The following PI4KA variants were observed in gnomAD, a reference collection of about 807,000 sequenced individuals.
PI4KA encodes PI4-kinase alpha.
Under a neutral mutation model 271.4 loss-of-function variants are expected in PI4KA, and 122 were observed. The ratio of observed to expected loss-of-function variants is 0.45; its 90% CI spans 0.39 to 0.52. The LOEUF (loss-of-function observed/expected upper bound fraction) is 0.52. Among genes scored for constraint, PI4KA ranks in the 20% least tolerant of loss-of-function variants. The pLI is 0.00. For synonymous variants in PI4KA, 1,041 were observed against 1,078.8 expected, an observed-to-expected ratio of 0.96 and a Z score of 0.69; for missense variants, 1,969 against 2,769.1, an observed-to-expected ratio of 0.71 and a Z score of 6.48.
intron 1 of PI4KA, among the ~76,000 whole-genome samples, chr22:20,845,889 CTCTTTGG>C (rs1926176495): frequency 6.6e-6 from 1 of 151,152 alleles, no homozygotes; most frequent in Non-Finnish European, 1.5e-5. Flanking sequence ...AAAAAAGATG[CTCTTTGG>C]TCATCTGTAG....
In PI4KA at chr22:20,819,946, T is replaced by TAA. The variant is rs776522028; in HGVS notation, c.530-47_530-46insTT. 1.0e-5 allele frequency: 15 copies of TAA among 1,490,264 alleles called. No homozygotes were observed. In the Admixed American group the frequency reaches 2.6e-4, roughly 26 times the overall value. 92.3% of individuals were successfully genotyped at this position (1,490,264 alleles called of 1,614,324 possible). Reference sequence around the variant, plus strand: ...GTTACAATATAAGAAAGTATCCTGATAGAGTCATATAGTAAGTACTAACTT... The same window carrying TAA: ...GTTACAATATAAGAAAGTATCCTGATAAAGAGTCATATAGTAAGTACTAACTT... On this transcript the variant is annotated intron_variant, in intron 5 of 54. Coordinates refer to ENST00000255882, the MANE Select transcript of PI4KA (RefSeq NM_058004.4).
rs559723682 is a variant in PI4KA at position 20,734,519 on chromosome 22, G to A, written c.3776C>T (p.Thr1259Met). The A allele has an allele frequency of 2.0e-5, 33 of 1,613,980 alleles. No individual in the cohort carries two copies. In the East Asian group the frequency reaches 2.2e-4, roughly 11 times the overall value. ...MREMAGAWHM[T>M]VEQKFGLFSA... ...AAACAGGCCAAATTTCTGCTCCACC[G>A]TCATGTGCCAGGCCCCTGCCATCTC... is the stretch of plus-strand genomic sequence containing the variant. The change falls in exon 33 of 55, where the codon ACG (threonine) becomes ATG (methionine). Residue 1259 changes from threonine (T) to methionine (M), a missense_variant. Around this residue, in one of 13 missense-constraint regions of PI4KA, gnomAD observed 203 missense variants for 256.8 expected, o/e 0.79. Coordinates refer to ENST00000255882, the MANE Select transcript of PI4KA (RefSeq NM_058004.4).
chr22:20,815,379 C>CAAAAAAAAAAAAA (rs361826), intron 7 of PI4KA, among the ~76,000 whole-genome samples: 16 of 83,924 alleles, frequency 1.9e-4, no homozygotes, highest in East Asian at 9.9e-4. Context: ...GACTGCGTCT[C>CAAAAAAAAAAAAA]AAAAAAAAAA....
intron 19 of PI4KA, among the ~76,000 whole-genome samples, chr22:20,789,198 C>G (rs1041250852): frequency 4.6e-5 from 7 of 152,200 alleles, no homozygotes; most frequent in Non-Finnish European, 8.8e-5. Flanking sequence ...CTATGAAACT[C>G]TAGTAGCAGG....
At chr22:20,850,842 T>C (rs907603394) in intron 1 of PI4KA, among the ~76,000 whole-genome samples, 1 of 152,050 alleles carries the variant, frequency 6.6e-6, no homozygotes, top group African/African-American at 2.4e-5. Flanking sequence ...CGGTTTGAGC[T>C]AAGCCTGGGC....
At chr22:20,835,313 T>C (rs1467219358) in intron 2 of PI4KA, among the ~76,000 whole-genome samples, 1 of 152,234 alleles carries the variant, frequency 6.6e-6, no homozygotes, top group African/African-American at 2.4e-5. Context: ...GCTATTTCCC[T>C]ATTTACAGAT....
chr22:20,857,278 T>C (rs1329552963), intron 1 of PI4KA, among the ~76,000 whole-genome samples: 1 of 152,192 alleles, frequency 6.6e-6, no homozygotes, highest in Non-Finnish European at 1.5e-5. Context: ...TCATGTCCTT[T>C]CCATTGCATT....
chr22:20,823,943 A>G (rs1271545092), intron 4 of PI4KA, among the ~76,000 whole-genome samples: 4 of 152,044 alleles, frequency 2.6e-5, no homozygotes, highest in Admixed American at 2.6e-4. Flanking sequence ...GCCTCAAAAA[A>G]AGAAAAGAAA....
rs778382310 is a variant in PI4KA at position 20,803,260 on chromosome 22, G to C, written c.1522C>G (p.Arg508Gly). ...VVVHSVTPSL[R>G]DFLVIPSPVL... ...GGGGACGGGATGACCAGGAAGTCTC[G>C]CAAGGACGGTGTCACAGAGTGCACC... is the stretch of plus-strand genomic sequence containing the variant. Residue 508 changes from arginine to glycine, a missense_variant, in exon 13 of 55, where the codon CGA (arginine) becomes GGA (glycine). Arg to Gly is a moderately radical substitution (Grantham distance 125). This residue lies in a region of PI4KA where 228 missense variants were observed against 261.6 expected (regional missense o/e 0.87). Transcript: ENST00000255882. 1.2e-6 allele frequency: 2 copies of C among 1,614,090 alleles called. No homozygotes were observed. Among genetic ancestry groups the C allele is most frequent in the East Asian group, 2.2e-5 (1 of 44,876 alleles).
chr22:20,853,498 A>T (rs1289662118), intron 1 of PI4KA, among the ~76,000 whole-genome samples: 3 of 152,216 alleles, frequency 2.0e-5, no homozygotes, highest in Non-Finnish European at 4.4e-5. Context: ...GGAGATCCCA[A>T]TGTTGAAAAG....
chr22:20,842,848 C>T (rs1464349786), intron 1 of PI4KA, among the ~76,000 whole-genome samples: 36 of 149,532 alleles, frequency 2.4e-4, no homozygotes, highest in African/African-American at 7.7e-4. Flanking sequence ...CAGTGGCTCA[C>T]GCCTGTAATC....
At position 20,810,994 on chromosome 22, in the gene PI4KA, C is replaced by T. The variant is rs750035080; in HGVS notation, c.1044G>A (p.Leu348=). 49 of 1,613,728 alleles carry T rather than the reference C, an allele frequency of 3.0e-5. No homozygotes were observed. The stretch of plus-strand genomic sequence containing the variant: ...CCATCACACTGGCTACAATGGCATC[C>T]AAAGATTTGAGAACAGCCTCCTCAA... ...KIVEEAVLKS[L]DAIVASVMEA... The change falls in exon 9 of 55, where the codon TTG becomes TTA. Residue 348 remains leucine, a synonymous_variant. Transcript: ENST00000255882.
chr22:20,801,067 T>C (rs1263157404), intron 14 of PI4KA, among the ~76,000 whole-genome samples: 1 of 147,236 alleles, frequency 6.8e-6, no homozygotes, highest in Non-Finnish European at 1.5e-5. Context: ...ATTTTTTGTA[T>C]TTGTAGTAGA....
At chr22:20,750,073 C>T in intron 27 of PI4KA, 79 bp from the exon 28 acceptor site, 1 of 894,378 alleles carries the variant, frequency 1.1e-6, no homozygotes, top group Non-Finnish European at 1.9e-6. Flanking sequence ...ATGGGCTGAA[C>T]TATGTCTCCC....
At chr22:20,766,336 G>A (rs1414303632) in intron 19 of PI4KA, among the ~76,000 whole-genome samples, 3 of 151,866 alleles carry the variant, frequency 2.0e-5, no homozygotes, top group South Asian at 2.1e-4. Context: ...CCAAATGCTG[G>A]GGGGAGGCAG....
intron 19 of PI4KA, chr22:20,783,854 G>C: frequency 7.5e-7 from 1 of 1,333,944 alleles, no homozygotes; most frequent in Non-Finnish European, 1.1e-6. Context: ...GAGACTGTGG[G>C]GTCGGCTCTG....
chr22:20,838,574 C>T, intron 2 of PI4KA, 41 bp downstream of exon 2: 2 of 1,125,002 alleles, frequency 1.8e-6, no homozygotes, highest in Non-Finnish European at 2.7e-6. Context: ...CACTACACCC[C>T]CTTTTACAAT....
intron 5 of PI4KA, 143 bp from the exon 6 acceptor site, chr22:20,820,043 G>C: frequency 4.1e-6 from 3 of 733,682 alleles, no homozygotes; most frequent in Non-Finnish European, 6.7e-6. Flanking sequence ...ACAATAATGG[G>C]GTCCACCCCA....
At chr22:20,801,872 C>T (rs1197483353) in intron 14 of PI4KA, 101 bp downstream of exon 14, 5 of 1,299,482 alleles carry the variant, frequency 3.8e-6, no homozygotes, top group Non-Finnish European at 5.4e-6. Flanking sequence ...GGCAACAGAG[C>T]GAGACTCAAT....
Sources: allele counts gnomAD v4.1 joint callset (sites outside exome capture counted in the v4.1 genomes callset), GRCh38; gene constraint gnomAD v4.1.1; regional missense constraint gnomAD v4.1.1; transcripts MANE v1.5; gene names NCBI Gene and HGNC (gene_info 2026-07-23, HGNC 2026-07-21).